The following PHF24 variants were observed in gnomAD, a reference collection of about 807,000 sequenced individuals.
The protein encoded by PHF24 is PHD finger protein 24.
A neutral mutation model predicts 42.6 loss-of-function variants in PHF24; 25 were observed. The observed-to-expected ratio is 0.59, with a 90% confidence interval of 0.43 to 0.82. The LOEUF is 0.82. PHF24 is among the 40% of genes least tolerant of loss of function. PHF24 has a pLI of 0.00. For missense variants in PHF24, 470 were observed against 538.1 expected, an observed-to-expected ratio of 0.87 and a Z score of 1.25; for synonymous variants, 185 against 204.8, an observed-to-expected ratio of 0.90 and a Z score of 0.83.
At chr9:34,922,823 T>C in the PHF24 span, 9 of 1,592,714 alleles carry the variant, frequency 5.7e-6, no homozygotes, top group Admixed American at 3.3e-5. Context: ...ATAATTAAGC[T>C]CCTTGCTCAG....
chr9:34,889,642 G>A, the PHF24 span: 1 of 398,554 alleles, frequency 2.5e-6, no homozygotes, highest in Non-Finnish European at 4.4e-6. Context: ...GCTTCTGGAA[G>A]GATGATGCTC....
chr9:34,726,163 G>T, the PHF24 span: 4 of 1,258,800 alleles, frequency 3.2e-6, 1 homozygote, highest in Admixed American at 2.3e-5. Flanking sequence ...ATGAACACCA[G>T]GTCTGGAGGG....
At chr9:34,915,043 T>A in the PHF24 span, among the ~76,000 whole-genome samples, 13 of 142,088 alleles carry the variant, frequency 9.1e-5, no homozygotes, top group Non-Finnish European at 1.7e-4. Flanking sequence ...TTTTTTTTTT[T>A]TTTTTTTGAG....
At chr9:34,835,348 C>G in the PHF24 span, 1 of 1,551,082 alleles carries the variant, frequency 6.4e-7, no homozygotes, top group African/African-American at 1.4e-5. Flanking sequence ...TAAGCTGCCT[C>G]AGGGACTCCT....
At chr9:34,881,901 C>T in the PHF24 span, among the ~76,000 whole-genome samples, 1 of 152,138 alleles carries the variant, frequency 6.6e-6, no homozygotes, top group East Asian at 1.9e-4. Context: ...CTGACAGCGA[C>T]ACAACAAAAA....
At chr9:34,797,261 T>C in the PHF24 span, among the ~76,000 whole-genome samples, 1 of 152,174 alleles carries the variant, frequency 6.6e-6, no homozygotes, top group South Asian at 2.1e-4. Flanking sequence ...AGTGGGTATG[T>C]ATTACAGAGT....
At chr9:34,854,739 G>A in the PHF24 span, among the ~76,000 whole-genome samples, 7 of 152,280 alleles carry the variant, frequency 4.6e-5, no homozygotes, top group East Asian at 9.6e-4. Context: ...GCAATGAGAA[G>A]AATATATATC....
chr9:34,873,608 C>A, the PHF24 span, among the ~76,000 whole-genome samples: 1 of 151,550 alleles, frequency 6.6e-6, no homozygotes. Context: ...GTTACTGTAG[C>A]CTTGTAGTAT....
At chr9:34,790,794 C>G in the PHF24 span, among the ~76,000 whole-genome samples, 1 of 152,196 alleles carries the variant, frequency 6.6e-6, no homozygotes, top group Non-Finnish European at 1.5e-5. Context: ...GGTGATATTT[C>G]AGCAGAGACC....
At chr9:34,898,281 A>G in the PHF24 span, among the ~76,000 whole-genome samples, 1 of 152,206 alleles carries the variant, frequency 6.6e-6, no homozygotes, top group Admixed American at 6.5e-5. Flanking sequence ...ACTAGTTTTC[A>G]TTCCCACCAG....
chr9:34,977,776 A>T (rs1378829706), intron 7 of PHF24, 135 bp downstream of exon 7: 8 of 818,956 alleles, frequency 9.8e-6, no homozygotes, highest in Non-Finnish European at 1.6e-5. Context: ...AAGAGTGCAC[A>T]TTTGACCCAA....
At chr9:34,686,846 C>T in the PHF24 span, among the ~76,000 whole-genome samples, 1 of 152,070 alleles carries the variant, frequency 6.6e-6, no homozygotes, top group African/African-American at 2.4e-5. Flanking sequence ...GGCTCCTGGC[C>T]CACCAGAACT....
chr9:34,851,536 C>T, the PHF24 span, among the ~76,000 whole-genome samples: 1 of 152,230 alleles, frequency 6.6e-6, no homozygotes, highest in Non-Finnish European at 1.5e-5. Context: ...AGGGAACTCC[C>T]TGACCCCTTG....
the PHF24 span, among the ~76,000 whole-genome samples, chr9:34,916,932 T>G: frequency 2.6e-5 from 4 of 152,240 alleles, no homozygotes; most frequent in Non-Finnish European, 2.9e-5. Flanking sequence ...CCTTGTTTCT[T>G]ATGCAAATTG....
chr9:34,855,755 G>A, the PHF24 span, among the ~76,000 whole-genome samples: 1 of 151,990 alleles, frequency 6.6e-6, no homozygotes, highest in Non-Finnish European at 1.5e-5. Context: ...ATGTGTCTTG[G>A]GGTTGATCTT....
the PHF24 span, among the ~76,000 whole-genome samples, chr9:34,695,990 CA>C: frequency 6.6e-6 from 1 of 152,262 alleles, no homozygotes; most frequent in South Asian, 2.1e-4. Context: ...GTAGAAGCAT[CA>C]CAGTCACTTA....
chr9:34,925,343 G>A, the PHF24 span, among the ~76,000 whole-genome samples: 1 of 152,202 alleles, frequency 6.6e-6, no homozygotes, highest in African/African-American at 2.4e-5. Flanking sequence ...ACCTGTTTGG[G>A]TTGAATCTAC....
the PHF24 span, among the ~76,000 whole-genome samples, chr9:34,767,779 A>G: frequency 6.6e-6 from 1 of 152,212 alleles, no homozygotes; most frequent in Non-Finnish European, 1.5e-5. Flanking sequence ...AAATGCAGAA[A>G]TCACCCATCT....
chr9:34,832,975 A>T, the PHF24 span: 10 of 1,551,612 alleles, frequency 6.4e-6, no homozygotes, highest in Middle Eastern at 1.7e-4. Flanking sequence ...GGCTGTGTTG[A>T]CAGGGATCAG....
Sources: allele counts gnomAD v4.1 joint callset (sites outside exome capture counted in the v4.1 genomes callset), GRCh38; gene constraint gnomAD v4.1.1; transcripts MANE v1.5; gene names NCBI Gene and HGNC (gene_info 2026-07-23, HGNC 2026-07-21).